Variants in KANK1 observed in about 807,000 individuals in gnomAD.
KANK1 encodes KN motif and ankyrin repeat domains 1, also known as KN motif and ankyrin repeat domain-containing protein 1.
In KANK1, 109 loss-of-function variants were observed where a neutral mutation model predicts 106.2. The observed-to-expected ratio is 1.03, with a 90% confidence interval of 0.88 to 1.20. The LOEUF (loss-of-function observed/expected upper bound fraction) is 1.20. Ranked by LOEUF, KANK1 falls within the 50% of genes most tolerant of loss-of-function variation. The pLI, the probability that KANK1 is intolerant of heterozygous loss-of-function variation, is 0.00. For missense variants in KANK1, 2,399 were observed against 1,710.7 expected (o/e 1.40, Z -7.10); for synonymous variants, 873 against 652.2 (o/e 1.34, Z -5.16).
chr9:472,870 A>G (rs886406610), intron 2 of KANK1, among the ~76,000 whole-genome samples: 17 of 152,192 alleles, frequency 1.1e-4, no homozygotes, highest in Admixed American at 5.9e-4. Flanking sequence ...TCTGGCCCCA[A>G]TTCAGCCTCC....
intron 3 of KANK1, chr9:478,451 C>G (rs2058144407): frequency 1.3e-5 from 2 of 152,282 alleles, no homozygotes; most frequent in African/African-American, 4.8e-5. Context: ...TGCCTTTGTG[C>G]CTCCTTGAAA....
At chr9:725,425 G>A (rs7043644) in intron 3 of KANK1, among the ~76,000 whole-genome samples, 28,227 of 150,618 alleles carry the variant, frequency 0.19, 3,000 homozygotes, top group African/African-American at 0.26. Flanking sequence ...CCCGGGAGGC[G>A]GAGGTTGCAG....
chr9:646,300 C>A (rs1206760248), intron 1 of KANK1, among the ~76,000 whole-genome samples: 1 of 150,514 alleles, frequency 6.6e-6, no homozygotes, highest in Non-Finnish European at 1.5e-5. Flanking sequence ...AGTTCAAGAC[C>A]AGTCTGGGCA....
At chr9:529,777 G>A (rs773342404) in intron 1 of KANK1, among the ~76,000 whole-genome samples, 1 of 152,140 alleles carries the variant, frequency 6.6e-6, no homozygotes, top group Non-Finnish European at 1.5e-5. Context: ...ATGCTCACAC[G>A]TGATAGTGCC....
At chr9:632,838 C>T (rs888770024) in intron 1 of KANK1, among the ~76,000 whole-genome samples, 1 of 151,976 alleles carries the variant, frequency 6.6e-6, no homozygotes, top group African/African-American at 2.4e-5. Context: ...TACAGGCATG[C>T]GCCACCGCAC....
In KANK1 at chr9:536,575, C is replaced by T. The variant is rs140500221; in HGVS notation, c.-84+31821C>T. Among the ~76,000 whole-genome samples, 510 of 152,298 alleles carry T rather than the reference C, an allele frequency of 3.3e-3. 1 individual carries two copies. The highest frequency in any genetic ancestry group is 0.012 in the African/African-American group (478 of 41,562). On this transcript the variant is annotated intron_variant, in intron 1 of 11. Coordinates refer to ENST00000382297, the MANE Select transcript of KANK1 (RefSeq NM_015158.5). Reference sequence around the variant, plus strand: ...CCACTGGCAAATTTAGTCCCTTTTACGCCTGACATTTCTTCTGGCTCCTCT... The same window carrying T: ...CCACTGGCAAATTTAGTCCCTTTTATGCCTGACATTTCTTCTGGCTCCTCT...
intron 1 of KANK1, chr9:674,071 T>C (rs1050969255): frequency 6.6e-6 from 1 of 152,170 alleles, no homozygotes; most frequent in East Asian, 1.9e-4. Context: ...ACTCCTATTC[T>C]TAAAAGACAG....
intron 2 of KANK1, among the ~76,000 whole-genome samples, chr9:681,482 A>G (rs1817543034): frequency 6.6e-6 from 1 of 152,186 alleles, no homozygotes; most frequent in Admixed American, 6.5e-5. Context: ...ATGTTGTGAA[A>G]CTTTAATTAG....
chr9:491,303 C>G (rs1010247628), intron 3 of KANK1, among the ~76,000 whole-genome samples: 52 of 148,306 alleles, frequency 3.5e-4, no homozygotes, highest in Non-Finnish European at 8.9e-5. Context: ...GAGTCTTGCT[C>G]TGTCACCAGG....
intron 2 of KANK1, among the ~76,000 whole-genome samples, chr9:706,257 T>G (rs911431549): frequency 3.9e-5 from 6 of 152,250 alleles, no homozygotes; most frequent in Non-Finnish European, 7.3e-5. Flanking sequence ...AGTTAAATTC[T>G]AACCTCTTCT....
In KANK1 at chr9:740,874, G is replaced by A. The variant is rs762560659; in HGVS notation, c.3636G>A (p.Lys1212=). The A allele has an allele frequency of 4.3e-6, 7 of 1,614,038 alleles. No homozygotes were observed. The highest frequency in any genetic ancestry group is 1.3e-5 in the African/African-American group (1 of 74,906). ...LAALAAVEAE[K]DMRIVEELFG... ...CCCTCGCCGCTGTGGAAGCAGAGAA[G>A]GACATGCGGATTGTGGAAGAACTCT... Residue 1212 remains lysine (K), a synonymous_variant, in exon 9 of 12, where the codon AAG becomes AAA. Coordinates refer to ENST00000382297, the MANE Select transcript of KANK1 (RefSeq NM_015158.5).
intron 1 of KANK1, among the ~76,000 whole-genome samples, chr9:524,180 C>G (rs2059676704): frequency 6.6e-6 from 1 of 151,814 alleles, no homozygotes; most frequent in South Asian, 2.1e-4. Flanking sequence ...ATGCCAGGAA[C>G]TAAGTGTCAT....
chr9:486,958 T>C (rs1441293039), intron 3 of KANK1, among the ~76,000 whole-genome samples: 1 of 152,226 alleles, frequency 6.6e-6, no homozygotes, highest in Admixed American at 6.5e-5. Context: ...TTTATTGATA[T>C]TTAATATGAT....
At chr9:615,751 C>A (rs1831660328) in intron 1 of KANK1, among the ~76,000 whole-genome samples, 1 of 152,182 alleles carries the variant, frequency 6.6e-6, no homozygotes, top group African/African-American at 2.4e-5. Context: ...GTTATATATT[C>A]TCTTTGACAT....
At chr9:637,492 G>A (rs1474943492) in intron 1 of KANK1, among the ~76,000 whole-genome samples, 4 of 152,004 alleles carry the variant, frequency 2.6e-5, no homozygotes, top group Admixed American at 6.6e-5. Flanking sequence ...AATCACTTGG[G>A]GTACTTAACT....
chr9:600,311 T>C (rs1333920351), intron 1 of KANK1, among the ~76,000 whole-genome samples: 1 of 151,824 alleles, frequency 6.6e-6, no homozygotes, highest in African/African-American at 2.4e-5. Flanking sequence ...GGCTGGCTTA[T>C]TTTACCCAGT....
chr9:554,281 A>G (rs1028505458), intron 1 of KANK1, among the ~76,000 whole-genome samples: 5 of 152,204 alleles, frequency 3.3e-5, no homozygotes, highest in Non-Finnish European at 5.9e-5. Context: ...CTGAGTCTGA[A>G]GATCCAAGAA....
intron 1 of KANK1, among the ~76,000 whole-genome samples, chr9:623,215 A>AT (rs1372916950): frequency 6.6e-6 from 1 of 152,128 alleles, no homozygotes; most frequent in Admixed American, 6.5e-5. Context: ...CAATACTAAA[A>AT]TAAAAAAAAA....
chr9:513,505 C>G (rs886329737), intron 1 of KANK1, among the ~76,000 whole-genome samples: 1 of 152,166 alleles, frequency 6.6e-6, no homozygotes, highest in African/African-American at 2.4e-5. Flanking sequence ...TAACTAATCC[C>G]TTTTTATAAT....
Sources: gnomAD v4.1 joint callset for allele counts (sites outside exome capture counted in the v4.1 genomes callset) on GRCh38, gnomAD v4.1.1 for gene constraint, MANE v1.5 for transcripts, NCBI Gene and HGNC (gene_info 2026-07-23, HGNC 2026-07-21) for gene names.